ADAMTS2: variants seen among roughly 807,000 people sequenced by gnomAD.
The protein encoded by ADAMTS2 is A disintegrin and metalloproteinase with thrombospondin motifs 2.
A neutral mutation model predicts 123.0 loss-of-function variants in ADAMTS2; 50 were observed. The ratio of observed to expected loss-of-function variants is 0.41; its 90% CI spans 0.32 to 0.51. The LOEUF (loss-of-function observed/expected upper bound fraction) is 0.51. Ranked by LOEUF, ADAMTS2 falls within the 20% of genes least tolerant of loss-of-function variation. The pLI, the probability that ADAMTS2 is intolerant of heterozygous loss-of-function variation, is 0.35. For missense variants in ADAMTS2, 1,494 were observed against 1,705.2 expected (o/e 0.88, Z 2.18); for synonymous variants, 678 against 695.4 (o/e 0.98, Z 0.39).
chr5:179,223,248 A>G (rs1765169166), intron 3 of ADAMTS2, among the ~76,000 whole-genome samples: 1 of 152,052 alleles, frequency 6.6e-6, no homozygotes, highest in Non-Finnish European at 1.5e-5. Context: ...GCACGCAGTC[A>G]CATACACACA....
chr5:179,336,902 C>T (rs1465682958), intron 2 of ADAMTS2, among the ~76,000 whole-genome samples: 1 of 152,160 alleles, frequency 6.6e-6, no homozygotes, highest in Non-Finnish European at 1.5e-5. Context: ...GTGGGGATGG[C>T]GTAGAGCCTG....
intron 10 of ADAMTS2, among the ~76,000 whole-genome samples, chr5:179,146,875 T>G (rs541175567): frequency 6.6e-6 from 1 of 152,202 alleles, no homozygotes; most frequent in Non-Finnish European, 1.5e-5. Flanking sequence ...GATACATATA[T>G]CCAAATCACA....
chr5:179,264,284 T>C (rs1414213594), intron 3 of ADAMTS2, among the ~76,000 whole-genome samples: 1 of 152,202 alleles, frequency 6.6e-6, no homozygotes, highest in African/African-American at 2.4e-5. Flanking sequence ...CCGTCATCCA[T>C]GGGGCAGCCA....
intron 3 of ADAMTS2, among the ~76,000 whole-genome samples, chr5:179,254,860 ACT>A (rs1766009356): frequency 6.6e-6 from 1 of 152,160 alleles, no homozygotes; most frequent in Admixed American, 6.5e-5. Context: ...CCCCAGCCAG[ACT>A]CTTCAGGGAC....
chr5:179,150,923 G>A (rs1763344025), intron 10 of ADAMTS2: 1 of 162,398 alleles, frequency 6.2e-6, no homozygotes, highest in African/African-American at 2.4e-5. Flanking sequence ...TTGAGACAGG[G>A]TCTTGCTGTG....
intron 2 of ADAMTS2, among the ~76,000 whole-genome samples, chr5:179,330,080 T>G (rs1205445620): frequency 5.6e-4 from 82 of 145,170 alleles, no homozygotes; most frequent in African/African-American, 1.8e-3. Flanking sequence ...GAGCCGAGAT[T>G]GCGCCACTGC....
chr5:179,208,108 A>G (rs1027919344), intron 3 of ADAMTS2, among the ~76,000 whole-genome samples: 1 of 98,240 alleles, frequency 1.0e-5, no homozygotes, highest in East Asian at 3.2e-4. Flanking sequence ...CGGGAACCTC[A>G]GCCCGCACTG....
intron 3 of ADAMTS2, among the ~76,000 whole-genome samples, chr5:179,233,322 T>C (rs760827054): frequency 1.3e-5 from 2 of 152,212 alleles, no homozygotes; most frequent in African/African-American, 4.8e-5. Flanking sequence ...GTATCTTGTG[T>C]GTATGTGTTG....
At chr5:179,238,527 G>A (rs771305098) in intron 3 of ADAMTS2, among the ~76,000 whole-genome samples, 11 of 152,204 alleles carry the variant, frequency 7.2e-5, no homozygotes, top group South Asian at 6.2e-4. Context: ...GCCTTAGAGC[G>A]CCAGGGTAGG....
intron 3 of ADAMTS2, among the ~76,000 whole-genome samples, chr5:179,222,926 T>C (rs1195843868): frequency 6.6e-6 from 1 of 152,192 alleles, no homozygotes; most frequent in African/African-American, 2.4e-5. Flanking sequence ...CCCAGTCCTG[T>C]TGCCACTTTC....
intron 3 of ADAMTS2, among the ~76,000 whole-genome samples, chr5:179,253,185 G>A (rs529047281): frequency 1.8e-4 from 28 of 152,140 alleles, no homozygotes; most frequent in Non-Finnish European, 3.4e-4. Context: ...GGTTTGTCTC[G>A]TTTGTCAGAT....
chr5:179,154,738 A>C (rs757533916), intron 7 of ADAMTS2, 76 bp downstream of exon 7: 12 of 1,238,920 alleles, frequency 9.7e-6, no homozygotes, highest in Non-Finnish European at 9.3e-6. Context: ...CTTAAGGCAC[A>C]GAGGAGAAGT....
chr5:179,120,737 G>T (rs898751167), intron 21 of ADAMTS2: 2 of 152,148 alleles, frequency 1.3e-5, no homozygotes, highest in Admixed American at 6.5e-5. Context: ...CCAGTCCGCG[G>T]AGACGGACGG....
intron 3 of ADAMTS2, among the ~76,000 whole-genome samples, chr5:179,265,580 A>C (rs537896577): frequency 1.1e-4 from 16 of 152,140 alleles, no homozygotes; most frequent in African/African-American, 3.6e-4. Flanking sequence ...TGAGCAGCAG[A>C]CTCCAGCCAG....
chr5:179,250,206 G>A (rs368858798), intron 3 of ADAMTS2, among the ~76,000 whole-genome samples: 2 of 152,252 alleles, frequency 1.3e-5, no homozygotes, highest in African/African-American at 4.8e-5. Flanking sequence ...CATGATAAAG[G>A]GTATTTACGA....
chr5:179,300,340 C>T (rs1043726928), intron 2 of ADAMTS2, among the ~76,000 whole-genome samples: 5 of 152,084 alleles, frequency 3.3e-5, no homozygotes, highest in African/African-American at 1.2e-4. Context: ...TTTGCTTTCT[C>T]CTTAATACTT....
chr5:179,326,437 T>C (rs1462620124), intron 2 of ADAMTS2, among the ~76,000 whole-genome samples: 1 of 152,024 alleles, frequency 6.6e-6, no homozygotes, highest in Non-Finnish European at 1.5e-5. Context: ...AGGCCGGTGA[T>C]GCCTGGGGCA....
chr5:179,208,309 G>A (rs2113377253), intron 3 of ADAMTS2, among the ~76,000 whole-genome samples: 1 of 152,290 alleles, frequency 6.6e-6, no homozygotes, highest in Middle Eastern at 3.4e-3. Flanking sequence ...TGTCTCCTTG[G>A]GCCCCTCCCA....
At chr5:179,167,316 CG>C (rs1763721504) in intron 5 of ADAMTS2, among the ~76,000 whole-genome samples, 1 of 151,942 alleles carries the variant, frequency 6.6e-6, no homozygotes, top group African/African-American at 2.4e-5. Context: ...CGGCCCGGGC[CG>C]GGGACGCACC....
Sources: allele counts gnomAD v4.1 joint callset (sites outside exome capture counted in the v4.1 genomes callset), GRCh38; gene constraint gnomAD v4.1.1; transcripts MANE v1.5; gene names NCBI Gene and HGNC (gene_info 2026-07-23, HGNC 2026-07-21).